Variants in ERC2 observed in about 807,000 individuals in gnomAD.
The protein encoded by ERC2 is ELKS/RAB6-interacting/CAST family member 2.
Under a neutral mutation model 114.8 loss-of-function variants are expected in ERC2, and 42 were observed. The observed-to-expected ratio is 0.37, with a 90% confidence interval of 0.29 to 0.47. The LOEUF (loss-of-function observed/expected upper bound fraction) is 0.47. ERC2 is among the 20% of genes least tolerant of loss of function. The pLI is 0.99. For missense variants in ERC2, 939 were observed against 1,150.7 expected (o/e 0.82, Z 2.66); for synonymous variants, 454 against 425.5 (o/e 1.07, Z -0.82).
chr3:55,602,276 G>C (rs1187905135), intron 17 of ERC2, among the ~76,000 whole-genome samples: 1 of 152,186 alleles, frequency 6.6e-6, no homozygotes, highest in Non-Finnish European at 1.5e-5. Context: ...AGGGCAGTGA[G>C]AGAAGGCAGT....
chr3:56,385,579 T>G (rs1370039341), intron 2 of ERC2, among the ~76,000 whole-genome samples: 3 of 152,284 alleles, frequency 2.0e-5, no homozygotes, highest in Non-Finnish European at 4.4e-5. Context: ...TGCCTTAATG[T>G]TCTAGTAGCA....
At chr3:55,853,435 G>A (rs555828341) in intron 14 of ERC2, among the ~76,000 whole-genome samples, 1 of 152,222 alleles carries the variant, frequency 6.6e-6, no homozygotes, top group South Asian at 2.1e-4. Flanking sequence ...TGAGAGGGGA[G>A]GATGACTTGA....
Position 56,324,619 on chromosome 3 carries a change from GCTT to G in ERC2, c.658-28187_658-28185del, listed in dbSNP as rs536585910. Among the ~76,000 whole-genome samples, 184 of 152,242 alleles carry G rather than the reference GCTT, an allele frequency of 1.2e-3. 1 individual carries two copies. Among genetic ancestry groups the G allele is most frequent in the Middle Eastern group, 6.8e-3 (2 of 294 alleles). The stretch of plus-strand genomic sequence containing the variant: ...CTTCATGCATCTTCAAGGTCAGGCT[GCTT>G]CAAAACGGGCATCTGTCTGCTGCCT... On this transcript the variant is annotated intron_variant, in intron 2 of 17. Coordinates refer to ENST00000288221, the MANE Select transcript of ERC2 (RefSeq NM_015576.3).
rs570913374 is a variant in ERC2 at position 56,160,575 on chromosome 3, T to C, written c.1150-11443A>G. On this transcript the variant is annotated intron_variant, in intron 4 of 17. Transcript: ENST00000288221. ...CAAGGCCAATGTCCAGCATGGTGTT[T>C]CCTAGATTTTCTTCTGGGATTCTTA... is the stretch of plus-strand genomic sequence containing the variant. Among the ~76,000 whole-genome samples, 24 of 152,306 alleles carry C rather than the reference T, an allele frequency of 1.6e-4. No individual in the cohort carries two copies. In the East Asian group the frequency reaches 4.1e-3, roughly 26 times the overall value.
chr3:55,586,933 C>T lies in ERC2; in HGVS notation c.*40-75657G>A, dbSNP rs188749890. ...AAAAAAGAAATATAATTGAAATCTT[C>T]CTCCCACTCATCCCTGTTTTCATTC... On this transcript the variant is annotated intron_variant, in intron 17 of 17. Transcript: ENST00000288221. 1.3e-3 allele frequency among the ~76,000 whole-genome samples: 203 copies of T among 152,226 alleles called. 3 individuals carry two copies. Among genetic ancestry groups the T allele is most frequent in the Middle Eastern group, 3.4e-3 (1 of 294 alleles).
At chr3:56,368,945 C>A (rs778544934) in intron 2 of ERC2, among the ~76,000 whole-genome samples, 1 of 152,116 alleles carries the variant, frequency 6.6e-6, no homozygotes, top group Non-Finnish European at 1.5e-5. Context: ...AGAAGCAATG[C>A]AGAATTCCAC....
At chr3:56,229,522 T>C (rs1384753914) in intron 3 of ERC2, among the ~76,000 whole-genome samples, 2 of 152,204 alleles carry the variant, frequency 1.3e-5, no homozygotes, top group African/African-American at 4.8e-5. Flanking sequence ...GGTTCTTAGA[T>C]ATGATACTTA....
At chr3:55,933,063 A>G (rs2066206695) in intron 13 of ERC2, among the ~76,000 whole-genome samples, 1 of 152,018 alleles carries the variant, frequency 6.6e-6, no homozygotes, top group Admixed American at 6.6e-5. Context: ...ACAAAAATTA[A>G]CCAGGCATGG....
chr3:56,357,673 C>T (rs909364707), intron 2 of ERC2, among the ~76,000 whole-genome samples: 2 of 151,298 alleles, frequency 1.3e-5, no homozygotes, highest in Admixed American at 1.3e-4. Flanking sequence ...TTTAAACAAG[C>T]AGAAATCATA....
chr3:56,339,655 G>GTC, intron 2 of ERC2, among the ~76,000 whole-genome samples: 1 of 152,086 alleles, frequency 6.6e-6, no homozygotes, highest in Non-Finnish European at 1.5e-5. Context: ...AGGAAGACAT[G>GTC]TCTCTCTCTC....
chr3:55,860,989 C>T (rs922077566), intron 14 of ERC2, among the ~76,000 whole-genome samples: 21 of 152,202 alleles, frequency 1.4e-4, no homozygotes, highest in African/African-American at 5.1e-4. Context: ...ATTTTAGAAG[C>T]AAAAACCAAA....
chr3:55,631,094 T>C (rs932588550), intron 17 of ERC2, among the ~76,000 whole-genome samples: 6 of 152,042 alleles, frequency 3.9e-5, no homozygotes, highest in African/African-American at 1.2e-4. Context: ...TAAGTGATTG[T>C]CTCATGGTGG....
chr3:56,371,531 A>G (rs1242560088), intron 2 of ERC2, among the ~76,000 whole-genome samples: 1 of 152,222 alleles, frequency 6.6e-6, no homozygotes. Flanking sequence ...CATTTGGGTA[A>G]TCTTCATGTA....
chr3:56,130,612 A>G (rs1046131718), intron 6 of ERC2, among the ~76,000 whole-genome samples: 14 of 152,216 alleles, frequency 9.2e-5, no homozygotes, highest in Non-Finnish European at 1.6e-4. Flanking sequence ...GTAGAACAAA[A>G]TGATGCCTGT....
intron 14 of ERC2, among the ~76,000 whole-genome samples, chr3:55,754,148 A>G (rs2066899483): frequency 6.6e-6 from 1 of 151,608 alleles, no homozygotes; most frequent in Non-Finnish European, 1.5e-5. Flanking sequence ...AAATATGTTC[A>G]AATCACCGAT....
chr3:56,004,511 A>T (rs921005612), intron 10 of ERC2, among the ~76,000 whole-genome samples: 1 of 152,054 alleles, frequency 6.6e-6, no homozygotes, highest in African/African-American at 2.4e-5. Flanking sequence ...ACACAGTATA[A>T]TAAAGGGTTA....
At chr3:55,927,424 G>A (rs1048335140) in intron 13 of ERC2, among the ~76,000 whole-genome samples, 1 of 151,952 alleles carries the variant, frequency 6.6e-6, no homozygotes, top group Non-Finnish European at 1.5e-5. Flanking sequence ...GCTTTTTATG[G>A]CAGGGGGTGT....
At chr3:55,574,035 C>T (rs540314844) in intron 17 of ERC2, among the ~76,000 whole-genome samples, 1 of 152,294 alleles carries the variant, frequency 6.6e-6, no homozygotes, top group South Asian at 2.1e-4. Context: ...CTGCCAGGGT[C>T]AGTGGCAGTA....
intron 11 of ERC2, among the ~76,000 whole-genome samples, chr3:55,986,917 G>C (rs1244001262): frequency 1.3e-5 from 2 of 151,878 alleles, no homozygotes; most frequent in Admixed American, 1.3e-4. Context: ...AAACAAAGTG[G>C]ATAAACAAAT....
Sources: allele counts gnomAD v4.1 joint callset (sites outside exome capture counted in the v4.1 genomes callset), GRCh38; gene constraint gnomAD v4.1.1; transcripts MANE v1.5; gene names NCBI Gene and HGNC (gene_info 2026-07-23, HGNC 2026-07-21).